The following MYOF variants were observed in gnomAD, a reference collection of about 807,000 sequenced individuals.
MYOF encodes myoferlin, also known as fer-1-like 3, myoferlin.
A neutral mutation model predicts 284.2 loss-of-function variants in MYOF; 244 were observed. The ratio of observed to expected loss-of-function variants is 0.86; its 90% CI spans 0.77 to 0.95. MYOF has a LOEUF of 0.95. Among genes scored for constraint, MYOF ranks in the 40% least tolerant of loss-of-function variants. The pLI is 0.00. For missense variants in MYOF, 2,496 were observed against 2,560.6 expected (o/e 0.97, Z 0.54); for synonymous variants, 904 against 919.7 (o/e 0.98, Z 0.31).
At position 93,377,319 on chromosome 10, in the gene MYOF, G is replaced by C. The variant is rs1845879433; in HGVS notation, c.2108+4C>G. ...ATTCTGAGATAGGCGTAAGATCACTGTACCTCGTGTCTTCTATAACTTCAT... is the reference window on the plus strand; with the variant it reads ...ATTCTGAGATAGGCGTAAGATCACTCTACCTCGTGTCTTCTATAACTTCAT... On this transcript the variant is annotated splice_donor_region_variant and intron_variant, in intron 22 of 53. Coordinates refer to ENST00000359263, the MANE Select transcript of MYOF (RefSeq NM_013451.4). 6.2e-7 allele frequency: 1 copy of C among 1,609,390 alleles called. No homozygotes were observed. The highest frequency in any genetic ancestry group is 2.2e-5 in the East Asian group (1 of 44,876).
intron 16 of MYOF, among the ~76,000 whole-genome samples, chr10:93,394,742 G>A (rs2134058302): frequency 6.7e-6 from 1 of 148,718 alleles, no homozygotes; most frequent in Non-Finnish European, 1.5e-5. Context: ...TTACAGGAGT[G>A]AGCCACTGGG....
rs1844654358 is a variant in MYOF, at chr10:93,353,878, G to A, written c.3414C>T (p.Ile1138=). ...IVSCNFDRVY[I]YHLRCYVYQA... ...GATAGACATAGCAGCGCAGATGGTA[G>A]ATGTAGACTCCTAAAAAAACAGGAT... The change falls in exon 32 of 54, where the codon ATC becomes ATT. Residue 1138 remains isoleucine (I), a synonymous_variant. Coordinates refer to ENST00000359263, the MANE Select transcript of MYOF (RefSeq NM_013451.4). 6.2e-7 allele frequency: 1 copy of A among 1,605,720 alleles called. No individual in the cohort carries two copies. Among genetic ancestry groups the A allele is most frequent in the Non-Finnish European group, 8.5e-7 (1 of 1,174,226 alleles).
At chr10:93,314,697 C>T (rs1842539177) in intron 50 of MYOF, among the ~76,000 whole-genome samples, 1 of 152,190 alleles carries the variant, frequency 6.6e-6, no homozygotes, top group African/African-American at 2.4e-5. Context: ...TATGTGCTCA[C>T]TTGGCATTTT....
At position 93,323,072 on chromosome 10, in the gene MYOF, C is replaced by CCTTACCCTTTGACGTAGATGT; in HGVS notation, c.5441_5456+5dup. On this transcript the variant is annotated splice_donor_region_variant and intron_variant, in intron 48 of 53. Coordinates refer to ENST00000359263, the MANE Select transcript of MYOF (RefSeq NM_013451.4). ...CTTGGCAAAGTCTCTCACATGCTAA[C>CCTTACCCTTTGACGTAGATGT]CTTACCCTTTGACGTAGATGTCACT... 6.2e-7 allele frequency: 1 copy of CCTTACCCTTTGACGTAGATGT among 1,612,474 alleles called. No individual in the cohort carries two copies. Among genetic ancestry groups the CCTTACCCTTTGACGTAGATGT allele is most frequent in the Non-Finnish European group, 8.5e-7 (1 of 1,178,460 alleles).
Position 93,355,719 on chromosome 10 carries a change from T to G in MYOF, c.3312A>C (p.Glu1104Asp). 6.2e-7 allele frequency: 1 copy of G among 1,612,964 alleles called. No individual in the cohort carries two copies. Among genetic ancestry groups the G allele is most frequent in the Non-Finnish European group, 8.5e-7 (1 of 1,179,228 alleles). Residue 1104 changes from glutamate (E) to aspartate (D), a missense_variant, in exon 31 of 54, where the codon GAA becomes GAC. By Grantham distance (45) the Glu-to-Asp change is conservative (BLOSUM62 2). Coordinates refer to ENST00000359263, the MANE Select transcript of MYOF (RefSeq NM_013451.4). ...LEGALGADTT[E>D]DGDEKSLEKQ... is the part of the protein sequence containing the mutation. ...TCTCCAGGCTCTTCTCATCCCCATCTTCGGTAGTGTCTGCCCCCTGAAGTC... is the reference window on the plus strand; with the variant it reads ...TCTCCAGGCTCTTCTCATCCCCATCGTCGGTAGTGTCTGCCCCCTGAAGTC...
intron 4 of MYOF, 98 bp from the exon 5 acceptor site, chr10:93,426,256 A>G: frequency 3.3e-6 from 4 of 1,212,652 alleles, no homozygotes; most frequent in East Asian, 2.6e-5. Context: ...AAGTCTTGGA[A>G]GGGGTAAGAG....
intron 5 of MYOF, among the ~76,000 whole-genome samples, chr10:93,414,820 T>C (rs1254318262): frequency 6.6e-6 from 1 of 152,080 alleles, no homozygotes; most frequent in Non-Finnish European, 1.5e-5. Flanking sequence ...TTCAGCTCAC[T>C]GCAGCCTCTG....
chr10:93,309,151 C>T (rs762996793), intron 53 of MYOF, among the ~76,000 whole-genome samples: 5 of 152,190 alleles, frequency 3.3e-5, no homozygotes, highest in Admixed American at 1.3e-4. Context: ...AATGTCCCCT[C>T]CTTGGAGGAA....
chr10:93,351,941 A>G (rs1844542423), intron 32 of MYOF, 95 bp from the exon 33 acceptor site: 6 of 1,193,232 alleles, frequency 5.0e-6, no homozygotes, highest in Non-Finnish European at 6.9e-6. Context: ...TCTGGATATA[A>G]TGACAGTGGG....
chr10:93,476,000 A>G (rs536138274), intron 1 of MYOF, among the ~76,000 whole-genome samples: 2 of 152,206 alleles, frequency 1.3e-5, no homozygotes, highest in Non-Finnish European at 2.9e-5. Context: ...TTCTCCAGAA[A>G]GGGATGGGAA....
At position 93,329,682 on chromosome 10, in the gene MYOF, A is replaced by G. The variant is rs990961988; in HGVS notation, c.4964T>C (p.Ile1655Thr). 6.2e-7 allele frequency: 1 copy of G among 1,614,030 alleles called. No homozygotes were observed. Among genetic ancestry groups the G allele is most frequent in the African/African-American group, 1.3e-5 (1 of 74,936 alleles). ...AACTTACACACAGTACTCCTCTGGT[A>G]TGCCGCAGTGGGACCCAAAGCGGGA... ...FLSRFGSHCGIPEEYCVSGVN... is the reference protein window; with the variant it reads ...FLSRFGSHCGTPEEYCVSGVN... The change falls in exon 44 of 54, where the codon ATA becomes ACA. Residue 1655 changes from isoleucine (I) to threonine (T), a missense_variant. Ile to Thr is a moderately conservative substitution (Grantham distance 89, BLOSUM62 -1). Coordinates refer to ENST00000359263, the MANE Select transcript of MYOF (RefSeq NM_013451.4).
chr10:93,312,267 T>C (rs1842420848), intron 51 of MYOF, among the ~76,000 whole-genome samples: 1 of 152,210 alleles, frequency 6.6e-6, no homozygotes, highest in Non-Finnish European at 1.5e-5. Flanking sequence ...ACATCTTGAG[T>C]TCCTCAACTT....
intron 15 of MYOF, 85 bp downstream of exon 15, chr10:93,397,162 C>T: frequency 8.2e-7 from 1 of 1,214,464 alleles, no homozygotes. Context: ...AGCAAAATAC[C>T]AGAAAGAGAC....
intron 5 of MYOF, among the ~76,000 whole-genome samples, chr10:93,425,379 C>T (rs1848541158): frequency 6.6e-6 from 1 of 152,022 alleles, no homozygotes; most frequent in South Asian, 2.1e-4. Context: ...ATCACGTCAT[C>T]CTGGGAAAAC....
chr10:93,381,451 C>A, intron 19 of MYOF, 55 bp from the exon 20 acceptor site: 1 of 1,572,736 alleles, frequency 6.4e-7, no homozygotes, highest in Non-Finnish European at 8.7e-7. Context: ...TTCTTATTTA[C>A]ATGTGGATTT....
intron 28 of MYOF, 61 bp downstream of exon 28, chr10:93,361,391 A>T: frequency 1.3e-6 from 2 of 1,533,874 alleles, no homozygotes; most frequent in Non-Finnish European, 1.8e-6. Context: ...AGGAAACTTT[A>T]TCCTGGTTAA....
At chr10:93,457,067 A>G (rs1385569295) in intron 1 of MYOF, 130 bp from the exon 2 acceptor site, 8 of 657,126 alleles carry the variant, frequency 1.2e-5, no homozygotes, top group Non-Finnish European at 2.1e-5. Flanking sequence ...ATCGCTTAGG[A>G]TGGGTGTTTA....
chr10:93,443,472 C>CTGTGTGTGTGTG (rs5787060), intron 3 of MYOF, among the ~76,000 whole-genome samples: 1 of 137,154 alleles, frequency 7.3e-6, no homozygotes, highest in East Asian at 2.1e-4. Flanking sequence ...CTCTCTCTCT[C>CTGTGTGTGTGTG]TGTGTGTGTG....
rs377250243 is a variant in MYOF at position 93,327,266 on chromosome 10, C to T, written c.5132-1301G>A. ...TGTGTGGACCACCTGACTGCTCCCCCGAGCAGGGCTTTCAGATGACTGCAG... is the reference window on the plus strand; with the variant it reads ...TGTGTGGACCACCTGACTGCTCCCCTGAGCAGGGCTTTCAGATGACTGCAG... On this transcript the variant is annotated intron_variant, in intron 45 of 53. Coordinates refer to ENST00000359263, the MANE Select transcript of MYOF (RefSeq NM_013451.4). Among the ~76,000 whole-genome samples, 284 of 152,168 alleles carry T rather than the reference C, an allele frequency of 1.9e-3. 5 individuals are homozygous for T. Among genetic ancestry groups the T allele is most frequent in the African/African-American group, 6.1e-3 (252 of 41,426 alleles).
Sources: allele counts gnomAD v4.1 joint callset (sites outside exome capture counted in the v4.1 genomes callset), GRCh38; gene constraint gnomAD v4.1.1; transcripts MANE v1.5; gene names NCBI Gene and HGNC (gene_info 2026-07-23, HGNC 2026-07-21).